The following PTPRO variants were observed in gnomAD, a reference collection of about 807,000 sequenced individuals.
PTPRO encodes the protein protein tyrosine phosphatase receptor type O.
A neutral mutation model predicts 145.2 loss-of-function variants in PTPRO; 62 were observed. The observed-to-expected ratio is 0.43, with a 90% confidence interval of 0.35 to 0.53. PTPRO has a LOEUF of 0.53. Among genes scored for constraint, PTPRO ranks in the 20% least tolerant of loss-of-function variants. PTPRO has a pLI of 0.01. For missense variants in PTPRO, 1,345 were observed against 1,482.7 expected (o/e 0.91, Z 1.53); for synonymous variants, 565 against 514.7 (o/e 1.10, Z -1.32).
At chr12:15,388,769 C>T (rs564065684) in intron 1 of PTPRO, among the ~76,000 whole-genome samples, 3 of 152,206 alleles carry the variant, frequency 2.0e-5, no homozygotes, top group East Asian at 3.9e-4. Context: ...GCACATCCTC[C>T]GTAAGTGTTA....
At chr12:15,338,676 T>A (rs538483944) in intron 1 of PTPRO, among the ~76,000 whole-genome samples, 1 of 152,218 alleles carries the variant, frequency 6.6e-6, no homozygotes, top group African/African-American at 2.4e-5. Context: ...AAAATATTAA[T>A]TGATAAAGTA....
At chr12:15,462,403 G>T (rs1468593231) in intron 1 of PTPRO, among the ~76,000 whole-genome samples, 2 of 152,180 alleles carry the variant, frequency 1.3e-5, no homozygotes, top group African/African-American at 4.8e-5. Flanking sequence ...TGGGATTGTA[G>T]GTGTGAGCCA....
intron 1 of PTPRO, among the ~76,000 whole-genome samples, chr12:15,480,263 A>AT (rs1216353931): frequency 3.0e-4 from 45 of 152,034 alleles, no homozygotes; most frequent in Non-Finnish European, 5.3e-4. Flanking sequence ...CAAAACCTGG[A>AT]TTTTCTCTTG....
At chr12:15,519,477 A>G (rs1387740219) in intron 9 of PTPRO, among the ~76,000 whole-genome samples, 1 of 152,214 alleles carries the variant, frequency 6.6e-6, no homozygotes, top group Non-Finnish European at 1.5e-5. Flanking sequence ...GCTAGCTGTC[A>G]ACTCTAATTG....
At chr12:15,510,913 T>A (rs899522828) in intron 7 of PTPRO, among the ~76,000 whole-genome samples, 1 of 146,400 alleles carries the variant, frequency 6.8e-6, no homozygotes. Flanking sequence ...ATGCCTGTAA[T>A]CCCAGCACTT....
At chr12:15,390,610 T>C (rs1939162252) in intron 1 of PTPRO, among the ~76,000 whole-genome samples, 2 of 152,114 alleles carry the variant, frequency 1.3e-5, no homozygotes, top group South Asian at 4.1e-4. Flanking sequence ...CCATATCACA[T>C]GGGTATCCCA....
At chr12:15,377,438 G>A (rs1373566219) in intron 1 of PTPRO, among the ~76,000 whole-genome samples, 2 of 151,730 alleles carry the variant, frequency 1.3e-5, no homozygotes, top group Non-Finnish European at 2.9e-5. Flanking sequence ...TAGATTCAAA[G>A]AAATAAATAG....
Position 15,524,832 on chromosome 12 carries a change from T to C in PTPRO, c.1910T>C (p.Ile637Thr). ...CTTGTAGCCCCAGTGGCTCCGGAAA[T>C]CACTTCTGTGGAATATTTCAACAGT... Reference protein sequence around the residue: ...SFITAPVAPEITSVEYFNSLL... With the variant: ...SFITAPVAPETTSVEYFNSLL... Residue 637 changes from isoleucine (I) to threonine (T), a missense_variant, in exon 11 of 27, where the codon ATC becomes ACC. Physicochemically the swap from Ile to Thr is moderately conservative, Grantham distance 89 (BLOSUM62 -1). This residue lies in a region of PTPRO where 1,130 missense variants were observed against 1,214.7 expected (regional missense o/e 0.93). Coordinates refer to ENST00000281171, the MANE Select transcript of PTPRO (RefSeq NM_030667.3). 1 of 1,613,636 alleles carries C rather than the reference T, an allele frequency of 6.2e-7. No homozygotes were observed.
intron 1 of PTPRO, among the ~76,000 whole-genome samples, chr12:15,471,356 C>T (rs1258771993): frequency 6.6e-6 from 1 of 152,020 alleles, no homozygotes; most frequent in Non-Finnish European, 1.5e-5. Flanking sequence ...CTCCAGCCTG[C>T]ATCTGATCAT....
intron 4 of PTPRO, among the ~76,000 whole-genome samples, chr12:15,500,947 A>G (rs1418129498): frequency 2.0e-5 from 3 of 152,174 alleles, no homozygotes; most frequent in Non-Finnish European, 4.4e-5. Flanking sequence ...AAAAAAGTTC[A>G]TGGAAGAGGT....
intron 1 of PTPRO, among the ~76,000 whole-genome samples, chr12:15,475,568 G>T (rs1324101460): frequency 2.6e-5 from 4 of 152,028 alleles, no homozygotes; most frequent in Non-Finnish European, 5.9e-5. Flanking sequence ...AAAATTCTGA[G>T]ATTCCGAATA....
At chr12:15,442,970 A>G (rs1940809860) in intron 1 of PTPRO, among the ~76,000 whole-genome samples, 1 of 152,152 alleles carries the variant, frequency 6.6e-6, no homozygotes, top group Non-Finnish European at 1.5e-5. Context: ...TAGAAAAAAA[A>G]CTATTCTAAA....
intron 1 of PTPRO, among the ~76,000 whole-genome samples, chr12:15,424,716 A>G (rs1007293588): frequency 1.3e-5 from 2 of 152,042 alleles, no homozygotes; most frequent in African/African-American, 4.8e-5. Flanking sequence ...TTAAAAATGC[A>G]AGAGAATATT....
At chr12:15,594,590 A>G (rs190626279) in intron 25 of PTPRO, among the ~76,000 whole-genome samples, 1 of 152,082 alleles carries the variant, frequency 6.6e-6, no homozygotes, top group African/African-American at 2.4e-5. Context: ...GGGGTGATGA[A>G]TGTGTTAACT....
chr12:15,498,984 G>T (rs914743288), intron 3 of PTPRO, among the ~76,000 whole-genome samples: 1 of 152,000 alleles, frequency 6.6e-6, no homozygotes, highest in Non-Finnish European at 1.5e-5. Context: ...TTTTGGGCAG[G>T]TTCTGTCTGC....
At chr12:15,438,303 A>G (rs1218952970) in intron 1 of PTPRO, among the ~76,000 whole-genome samples, 1 of 152,086 alleles carries the variant, frequency 6.6e-6, no homozygotes, top group Non-Finnish European at 1.5e-5. Flanking sequence ...CCATGAAAAA[A>G]CCTGAATGTA....
intron 12 of PTPRO, among the ~76,000 whole-genome samples, chr12:15,539,937 G>A (rs904060960): frequency 2.0e-5 from 3 of 149,872 alleles, no homozygotes; most frequent in Middle Eastern, 3.2e-3. Flanking sequence ...TTTATTTCCT[G>A]GTTTTTTTTT....
intron 1 of PTPRO, among the ~76,000 whole-genome samples, chr12:15,415,583 A>T (rs1939943152): frequency 6.7e-6 from 1 of 149,874 alleles, no homozygotes; most frequent in Non-Finnish European, 1.5e-5. Context: ...ACGGGGTTTC[A>T]CTCATGTTAG....
At chr12:15,576,574 G>A (rs1481796722) in intron 19 of PTPRO, among the ~76,000 whole-genome samples, 2 of 152,206 alleles carry the variant, frequency 1.3e-5, no homozygotes, top group Non-Finnish European at 2.9e-5. Context: ...AGAATTGGGG[G>A]AAGAGTTGTT....
Sources: allele counts gnomAD v4.1 joint callset (sites outside exome capture counted in the v4.1 genomes callset), GRCh38; gene constraint gnomAD v4.1.1; regional missense constraint gnomAD v4.1.1; transcripts MANE v1.5; gene names NCBI Gene and HGNC (gene_info 2026-07-23, HGNC 2026-07-21).